TRAK2: variants seen among roughly 807,000 people sequenced by gnomAD.
The protein encoded by TRAK2 is trafficking kinesin-binding protein 2.
Under a neutral mutation model 104.6 loss-of-function variants are expected in TRAK2, and 81 were observed. That is an observed-to-expected ratio of 0.77 (90% CI 0.65 to 0.93). TRAK2 has a LOEUF of 0.93. Ranked by LOEUF, TRAK2 falls within the 40% of genes least tolerant of loss-of-function variation. The pLI is 0.00. For synonymous variants in TRAK2, 406 were observed against 394.4 expected, an observed-to-expected ratio of 1.03 and a Z score of -0.35; for missense variants, 1,002 against 1,089.0, an observed-to-expected ratio of 0.92 and a Z score of 1.12.
intron 4 of TRAK2, among the ~76,000 whole-genome samples, chr2:201,400,010 C>A (rs1418312551): frequency 6.6e-6 from 1 of 151,890 alleles, no homozygotes; most frequent in Non-Finnish European, 1.5e-5. Context: ...GGAAGTGCAG[C>A]CAAGAGCTCT....
At position 201,380,244 on chromosome 2, in the gene TRAK2, C is replaced by G; in HGVS notation, c.*299G>C. 2.6e-6 allele frequency: 1 copy of G among 390,866 alleles called. No homozygotes were observed. The highest frequency in any genetic ancestry group is 4.7e-6 in the Non-Finnish European group (1 of 214,154). The allele number at this position is 390,866 out of a possible 1,614,324, so 24.2% of individuals were successfully genotyped here. ...AGTATCTCTGTATGTTTTAGTATTA[C>G]TGAATTTATTTGTATTCACTTTTTA... On this transcript the variant is annotated 3_prime_UTR_variant, in exon 16 of 16. Coordinates refer to ENST00000332624, the MANE Select transcript of TRAK2 (RefSeq NM_015049.3).
At chr2:201,412,225 T>A in intron 2 of TRAK2, 3 of 952,188 alleles carry the variant, frequency 3.2e-6, no homozygotes, top group Non-Finnish European at 5.2e-6. Flanking sequence ...AATGACATGC[T>A]TGGGCAGTAG....
At chr2:201,444,234 A>G (rs1951948190) in intron 1 of TRAK2, among the ~76,000 whole-genome samples, 1 of 151,698 alleles carries the variant, frequency 6.6e-6, no homozygotes, top group Non-Finnish European at 1.5e-5. Flanking sequence ...AATAAAAAAT[A>G]ATAATAATAC....
chr2:201,413,517 C>T (rs1951666608), intron 2 of TRAK2, among the ~76,000 whole-genome samples: 1 of 152,006 alleles, frequency 6.6e-6, no homozygotes, highest in South Asian at 2.1e-4. Flanking sequence ...CTATTGTCAG[C>T]TATTTTTATT....
In TRAK2 at chr2:201,448,709, A is replaced by G. The variant is rs182260301; in HGVS notation, c.-200+2641T>C. On this transcript the variant is annotated intron_variant, in intron 1 of 15. Coordinates refer to ENST00000332624, the MANE Select transcript of TRAK2 (RefSeq NM_015049.3). ...ATATTTGGGGCACTAAAGCAAAGAAAGTTTCAGTGGAGAATAACACTTCTC... is the reference window on the plus strand; with the variant it reads ...ATATTTGGGGCACTAAAGCAAAGAAGGTTTCAGTGGAGAATAACACTTCTC... 3.3e-3 allele frequency among the ~76,000 whole-genome samples: 498 copies of G among 152,278 alleles called. 4 individuals carry two copies. The highest frequency in any genetic ancestry group is 0.011 in the African/African-American group (470 of 41,554).
chr2:201,444,836 A>C (rs997290948), intron 1 of TRAK2, among the ~76,000 whole-genome samples: 1 of 151,920 alleles, frequency 6.6e-6, no homozygotes, highest in Admixed American at 6.6e-5. Context: ...GCAACTCCAT[A>C]AATAATTGGT....
At position 201,394,684 on chromosome 2, in the gene TRAK2, T is replaced by C. The variant is rs141632366; in HGVS notation, c.975+114A>G. On this transcript the variant is annotated intron_variant, in intron 9 of 15. Transcript: ENST00000332624. ...GATCTCATAATATCATCTTAACCTT[T>C]TGTTGTTGTTTTTTAAATCTGGTAA... is the stretch of plus-strand genomic sequence containing the variant. 7.0e-3 allele frequency: 6,349 copies of C among 903,222 alleles called. 35 individuals carry two copies. The highest frequency in any genetic ancestry group is 9.2e-3 in the Non-Finnish European group (5,384 of 586,906). 56.0% of individuals were successfully genotyped at this position (903,222 alleles called of 1,614,324 possible).
chr2:201,412,033 T>C (rs1004339003), intron 2 of TRAK2: 1 of 1,054,160 alleles, frequency 9.5e-7, no homozygotes, highest in Non-Finnish European at 1.5e-6. Flanking sequence ...CCATTTTTTG[T>C]AGGAAAATTA....
At chr2:201,384,397 T>C (rs955673651) in intron 14 of TRAK2, among the ~76,000 whole-genome samples, 181 bp from the exon 15 acceptor site, 3 of 152,110 alleles carry the variant, frequency 2.0e-5, no homozygotes, top group African/African-American at 7.2e-5. Flanking sequence ...GGTTAGTATA[T>C]AGGTGAATCC....
chr2:201,381,096 G>T lies in TRAK2; in HGVS notation c.2192C>A (p.Ser731Tyr). ...CATGGTGCTACTGAAGGTTGTAGTGGAATCTCGTCGGTTGGTGATGGACTC... is the reference window on the plus strand; with the variant it reads ...CATGGTGCTACTGAAGGTTGTAGTGTAATCTCGTCGGTTGGTGATGGACTC... ...IGESITNRRD[S>Y]TTTFSSTMSL... is the part of the protein sequence containing the mutation. Residue 731 changes from serine (S) to tyrosine (Y), a missense_variant, in exon 16 of 16, where the codon TCC becomes TAC. Ser to Tyr is a moderately radical substitution (Grantham distance 144). Transcript: ENST00000332624. The T allele has an allele frequency of 6.2e-7, 1 of 1,614,076 alleles. No homozygotes were observed. Among genetic ancestry groups the T allele is most frequent in the South Asian group, 1.1e-5 (1 of 91,086 alleles).
intron 1 of TRAK2, among the ~76,000 whole-genome samples, chr2:201,448,544 C>T (rs983162638): frequency 1.3e-5 from 2 of 152,176 alleles, no homozygotes; most frequent in African/African-American, 2.4e-5. Flanking sequence ...GTGACTATTA[C>T]CTTTTTGCCT....
At position 201,379,400 on chromosome 2, in the gene TRAK2, G is replaced by A; in HGVS notation, c.*1143C>T. ...CTATAAATATCAAGAAGGCAGATGT[G>A]TTTTATTTTATTTTACATTAGGAAG... On this transcript the variant is annotated 3_prime_UTR_variant, in exon 16 of 16. Transcript: ENST00000332624. 6.6e-6 allele frequency: 1 copy of A among 152,632 alleles called. No individual in the cohort carries two copies. Among genetic ancestry groups the A allele is most frequent in the East Asian group, 1.9e-4 (1 of 5,190 alleles). 9.5% of individuals were successfully genotyped at this position (152,632 alleles called of 1,614,324 possible).
intron 3 of TRAK2, among the ~76,000 whole-genome samples, chr2:201,402,918 C>T (rs528360916): frequency 2.6e-5 from 4 of 152,252 alleles, no homozygotes; most frequent in South Asian, 4.1e-4. Context: ...ATTAAAACCA[C>T]CAATCTGGGG....
In TRAK2 at chr2:201,407,587, G is replaced by A. The variant is rs1169989826; in HGVS notation, c.102C>T (p.Ser34=). The A allele has an allele frequency of 6.2e-7, 1 of 1,612,512 alleles. No individual in the cohort carries two copies. Among genetic ancestry groups the A allele is most frequent in the Non-Finnish European group, 8.5e-7 (1 of 1,179,610 alleles). Reference sequence around the variant, plus strand: ...GCTCAACTTCAGGGAGATCCTCATTGGAGCAGACATCTAAAGAGGAGAGTC... The same window carrying A: ...GCTCAACTTCAGGGAGATCCTCATTAGAGCAGACATCTAAAGAGGAGAGTC... ...RDSESITDVC[S]NEDLPEVELV... is the part of the protein sequence containing the mutation. Residue 34 remains serine, a synonymous_variant, in exon 3 of 16, where the codon TCC becomes TCT. Transcript: ENST00000332624.
intron 4 of TRAK2, among the ~76,000 whole-genome samples, chr2:201,400,704 A>C (rs1951543388): frequency 6.6e-6 from 1 of 152,156 alleles, no homozygotes; most frequent in African/African-American, 2.4e-5. Flanking sequence ...CTGAATGGGC[A>C]GCTCTGCTGT....
At chr2:201,418,399 C>T (rs1951711420) in intron 2 of TRAK2, among the ~76,000 whole-genome samples, 1 of 152,160 alleles carries the variant, frequency 6.6e-6, no homozygotes, top group Non-Finnish European at 1.5e-5. Flanking sequence ...TGGTCTTGAA[C>T]TCCTCGGCTC....
At chr2:201,395,468 T>G (rs769310825) in intron 7 of TRAK2, 24 bp from the exon 8 acceptor site, 1 of 1,497,282 alleles carries the variant, frequency 6.7e-7, no homozygotes, top group East Asian at 2.3e-5. Flanking sequence ...AAAATTTTTT[T>G]AAATTAATAC....
chr2:201,407,596 A>G lies in TRAK2; in HGVS notation c.93T>C (p.Asp31=). 1.2e-6 allele frequency: 2 copies of G among 1,611,378 alleles called. No homozygotes were observed. The highest frequency in any genetic ancestry group is 1.7e-5 in the Admixed American group (1 of 59,672). The change falls in exon 3 of 16, where the codon GAT becomes GAC. Residue 31 remains aspartate, a splice_region_variant and synonymous_variant. Coordinates refer to ENST00000332624, the MANE Select transcript of TRAK2 (RefSeq NM_015049.3). The part of the protein sequence containing the change: ...SNHRDSESIT[D]VCSNEDLPEV... ...CAGGGAGATCCTCATTGGAGCAGAC[A>G]TCTAAAGAGGAGAGTCTATGTAAAT...
Position 201,423,037 on chromosome 2 carries a change from CCACACACACACA to C in TRAK2, c.-199-2343_-199-2332del, listed in dbSNP as rs142826543. Among the ~76,000 whole-genome samples, 535 of 134,224 alleles carry C rather than the reference CCACACACACACA, an allele frequency of 4.0e-3. 7 individuals carry two copies. The highest frequency in any genetic ancestry group is 0.013 in the African/African-American group (445 of 35,390). The allele number at this position is 134,224 out of a possible 152,430, so 88.1% of individuals were successfully genotyped here. On this transcript the variant is annotated intron_variant, in intron 1 of 15. Coordinates refer to ENST00000332624, the MANE Select transcript of TRAK2 (RefSeq NM_015049.3). ...TGGAATAACAACAGCAACACCACCA[CCACACACACACA>C]CACACACACACACACACACACACAC...
Sources: gnomAD v4.1 joint callset for allele counts (sites outside exome capture counted in the v4.1 genomes callset) on GRCh38, gnomAD v4.1.1 for gene constraint, MANE v1.5 for transcripts, NCBI Gene and HGNC (gene_info 2026-07-23, HGNC 2026-07-21) for gene names.